The following RAI1 variants were observed in gnomAD, a reference collection of about 807,000 sequenced individuals.
RAI1 encodes the protein retinoic acid induced 1, also known as retinoic acid-induced protein 1.
In RAI1, 9 loss-of-function variants were observed where a neutral mutation model predicts 123.8. The observed-to-expected ratio is 0.07, with a 90% CI of 0.04 to 0.13. The LOEUF is 0.13. Ranked by LOEUF, RAI1 falls within the 10% of genes least tolerant of loss-of-function variation. The probability of loss-of-function intolerance (pLI) is 1.00; values close to 1 mark genes in which losing one functional copy is unlikely to be tolerated. For missense variants in RAI1, 2,256 were observed against 2,545.8 expected, an observed-to-expected ratio of 0.89 and a Z score of 2.45; for synonymous variants, 1,231 against 1,127.3, an observed-to-expected ratio of 1.09 and a Z score of -1.84.
chr17:17,789,433 A>C (rs1043464578), intron 2 of RAI1, among the ~76,000 whole-genome samples: 2 of 152,224 alleles, frequency 1.3e-5, no homozygotes, highest in African/African-American at 4.8e-5. Context: ...TTTGCCTAAA[A>C]GAAGGGCTGT....
chr17:17,718,394 G>A (rs1022268332), intron 1 of RAI1, among the ~76,000 whole-genome samples: 2 of 152,212 alleles, frequency 1.3e-5, no homozygotes, highest in Admixed American at 1.3e-4. Flanking sequence ...TCAAAGAAAA[G>A]CATTTTCTCG....
Position 17,795,188 on chromosome 17 carries a change from C to T in RAI1, c.2240C>T (p.Pro747Leu). The T allele has an allele frequency of 6.2e-7, 1 of 1,613,998 alleles. No individual in the cohort carries two copies. The highest frequency in any genetic ancestry group is 8.5e-7 in the Non-Finnish European group (1 of 1,180,024). ...SADSANPFAWPEENLGDACPR... is the reference protein window; with the variant it reads ...SADSANPFAWLEENLGDACPR... ...GACAGCGCCAACCCCTTTGCCTGGC[C>T]AGAGGAAAACCTGGGGGATGCTTGT... Residue 747 changes from proline to leucine, a missense_variant, in exon 3 of 6, where the codon CCA becomes CTA. This residue lies in a region of RAI1 where 566 missense variants were observed against 616.0 expected (regional missense o/e 0.92). Transcript: ENST00000353383. The surrounding 1 kb of genome is among the most constrained non-coding windows in gnomAD (Gnocchi z 5.9).
chr17:17,785,400 A>G (rs961514698), intron 2 of RAI1, among the ~76,000 whole-genome samples: 2 of 152,066 alleles, frequency 1.3e-5, no homozygotes, highest in Non-Finnish European at 2.9e-5. Flanking sequence ...AGGGACATCG[A>G]CTCTGGGGCC....
intron 2 of RAI1, among the ~76,000 whole-genome samples, chr17:17,783,469 C>G (rs2031691041): frequency 1.3e-5 from 2 of 151,958 alleles, no homozygotes; most frequent in Non-Finnish European, 1.5e-5. Flanking sequence ...CTGAGGGAGT[C>G]CTGCGGATTT....
intron 1 of RAI1, among the ~76,000 whole-genome samples, chr17:17,717,482 C>T (rs992405109): frequency 1.7e-4 from 26 of 152,076 alleles, no homozygotes; most frequent in Non-Finnish European, 3.7e-4. Context: ...GAGAGAAGAC[C>T]CCTGCCTGCC....
chr17:17,705,942 TGAATC>T (rs1915378981), intron 1 of RAI1, among the ~76,000 whole-genome samples: 1 of 143,442 alleles, frequency 7.0e-6, no homozygotes, highest in Admixed American at 7.5e-5. Context: ...GAGAATCTCC[TGAATC>T]CGGGAGGCAG....
At chr17:17,747,676 T>A (rs1488266786) in intron 2 of RAI1, among the ~76,000 whole-genome samples, 1 of 152,062 alleles carries the variant, frequency 6.6e-6, no homozygotes, top group Non-Finnish European at 1.5e-5. Context: ...CTCTTGTGCT[T>A]AGTCGCTTCT....
chr17:17,794,763 G>A lies in RAI1; in HGVS notation c.1815G>A (p.Glu605=). The A allele has an allele frequency of 6.2e-7, 1 of 1,612,972 alleles. No homozygotes were observed. The highest frequency in any genetic ancestry group is 8.5e-7 in the Non-Finnish European group (1 of 1,179,998). ...PRLLLSALAQ[E]DLASEILGLQ... is the part of the protein sequence containing the mutation. Reference sequence around the variant, plus strand: ...TGCTGCTCAGCGCCCTGGCACAGGAGGACCTGGCCTCCGAGATCCTGGGGC... The same window carrying A: ...TGCTGCTCAGCGCCCTGGCACAGGAAGACCTGGCCTCCGAGATCCTGGGGC... The change falls in exon 3 of 6, where the codon GAG becomes GAA. Residue 605 remains glutamate, a synonymous_variant. Coordinates refer to ENST00000353383, the MANE Select transcript of RAI1 (RefSeq NM_030665.4).
intron 2 of RAI1, among the ~76,000 whole-genome samples, chr17:17,756,212 T>C (rs1350054188): frequency 5.9e-5 from 9 of 152,180 alleles, no homozygotes; most frequent in East Asian, 5.8e-4. Context: ...TTTTTTTTTT[T>C]TGGAGACAGA....
intron 2 of RAI1, chr17:17,778,139 G>A (rs536245551): frequency 3.9e-5 from 6 of 152,640 alleles, no homozygotes; most frequent in African/African-American, 1.2e-4. Flanking sequence ...CAAAATCTGC[G>A]TCTCACCAGG....
chr17:17,789,001 G>A (rs2031924773), intron 2 of RAI1, among the ~76,000 whole-genome samples: 1 of 152,200 alleles, frequency 6.6e-6, no homozygotes, highest in South Asian at 2.1e-4. Context: ...CACCCGAGGT[G>A]GGTCTGGCTG....
At chr17:17,781,192 G>T (rs1346343797) in intron 2 of RAI1, among the ~76,000 whole-genome samples, 1 of 152,164 alleles carries the variant, frequency 6.6e-6, no homozygotes, top group Non-Finnish European at 1.5e-5. Flanking sequence ...AGCTCCTGGC[G>T]GCTGGAATGC....
Position 17,794,120 on chromosome 17 carries a change from A to G in RAI1, c.1172A>G (p.His391Arg). The G allele has an allele frequency of 6.2e-7, 1 of 1,613,984 alleles. No individual in the cohort carries two copies. Among genetic ancestry groups the G allele is most frequent in the Non-Finnish European group, 8.5e-7 (1 of 1,180,012 alleles). The change falls in exon 3 of 6, where the codon CAC becomes CGC. Residue 391 changes from histidine to arginine, a missense_variant. Physicochemically the swap from His to Arg is conservative, Grantham distance 29. Transcript: ENST00000353383. ...CCCGCAGGGATCACTGACCACAGCCACTTCATGCCCCTGCTCAATCCCTCC... is the reference window on the plus strand; with the variant it reads ...CCCGCAGGGATCACTGACCACAGCCGCTTCATGCCCCTGCTCAATCCCTCC... The part of the protein sequence containing the change: ...AFPAGITDHS[H>R]FMPLLNPSPT...
rs2142843412 is a variant in RAI1, at chr17:17,681,589, G to A, written c.-353G>A. 1 of 197,344 alleles carries A rather than the reference G, an allele frequency of 5.1e-6. No individual in the cohort carries two copies. The highest frequency in any genetic ancestry group is 1.7e-4 in the South Asian group (1 of 5,810). The allele number at this position is 197,344 out of a possible 1,614,324, so 12.2% of individuals were successfully genotyped here. The stretch of plus-strand genomic sequence containing the variant: ...AGAGACGAGTGGGAGAGCGAGTGCA[G>A]CGAGGGCGAGAGGCGAGCCGAGCAG... On this transcript the variant is annotated 5_prime_UTR_variant, in exon 1 of 6. Coordinates refer to ENST00000353383, the MANE Select transcript of RAI1 (RefSeq NM_030665.4).
chr17:17,776,959 C>T (rs941446), intron 2 of RAI1: 63,385 of 152,032 alleles, frequency 0.42, 16,950 homozygotes, highest in Non-Finnish European at 0.61. Context: ...CCACTGCACC[C>T]GGCCCTGTAC....
chr17:17,731,326 C>A lies in RAI1; in HGVS notation c.-17+7167C>A, dbSNP rs574211604. Among the ~76,000 whole-genome samples the A allele has an allele frequency of 5.9e-5, 9 of 152,322 alleles. No individual in the cohort carries two copies. The East Asian group carries it at 1.5e-3, about 26-fold the overall frequency. On this transcript the variant is annotated intron_variant, in intron 2 of 5. Transcript: ENST00000353383. ...TGGCCCAGATGCCCTGGCGAAGGCA[C>A]CCAAAGGGACAGGGGCTGGGTCTCC...
At position 17,800,170 on chromosome 17, in the gene RAI1, GTC is replaced by G. The variant is rs1232771789; in HGVS notation, c.5565+1665_5565+1666del. Reference sequence around the variant, plus strand: ...ATTTTTTGCCTCTCTCCTGCTTTCTGTCTCTCTCTGTCTCTCTCTCTCTCTCT... The same window carrying G: ...ATTTTTTGCCTCTCTCCTGCTTTCTGTCTCTCTGTCTCTCTCTCTCTCTCT... On this transcript the variant is annotated intron_variant, in intron 3 of 5. Transcript: ENST00000353383. The surrounding 1 kb of genome is among the most constrained non-coding windows in gnomAD (Gnocchi z 4.7). Among the ~76,000 whole-genome samples the G allele has an allele frequency of 8.9e-5, 3 of 33,544 alleles. No homozygotes were observed. The highest frequency in any genetic ancestry group is 1.8e-4 in the Non-Finnish European group (3 of 16,288). The allele number at this position is 33,544 out of a possible 152,430, so 22.0% of individuals were successfully genotyped here. A position where few individuals can be genotyped will look rare whatever the true frequency, so the allele number is the denominator to read the frequency against.
At chr17:17,771,944 A>G (rs549821224) in intron 2 of RAI1, among the ~76,000 whole-genome samples, 1 of 152,332 alleles carries the variant, frequency 6.6e-6, no homozygotes, top group South Asian at 2.1e-4. Flanking sequence ...TAGGGGAAAG[A>G]ACAGGCTGGC....
rs1044635080 is a variant in RAI1, at chr17:17,801,868, T to C, written c.5566-1888T>C. On this transcript the variant is annotated intron_variant, in intron 3 of 5. Transcript: ENST00000353383. This position sits in a 1 kb window ranked among gnomAD's most constrained non-coding sequence, Gnocchi z 4.1. ...GCAGGTTACTCAGCCTCAGCTCTCA[T>C]TGGTAACCCAGGTAAAATAACAGTA... 6.6e-6 allele frequency among the ~76,000 whole-genome samples: 1 copy of C among 152,232 alleles called. No individual in the cohort carries two copies. The highest frequency in any genetic ancestry group is 2.4e-5 in the African/African-American group (1 of 41,474).
Sources: allele counts gnomAD v4.1 joint callset (sites outside exome capture counted in the v4.1 genomes callset), GRCh38; gene constraint gnomAD v4.1.1; regional missense constraint gnomAD v4.1.1; non-coding constraint Gnocchi (gnomAD v3.1); transcripts MANE v1.5; gene names NCBI Gene and HGNC (gene_info 2026-07-23, HGNC 2026-07-21).